Variants in MAMDC2 observed in about 807,000 individuals in gnomAD.
MAMDC2 encodes MAM domain containing 2, also known as MAM domain-containing protein 2.
Under a neutral mutation model 89.8 loss-of-function variants are expected in MAMDC2, and 57 were observed. The observed-to-expected ratio is 0.63, with a 90% CI of 0.51 to 0.79. The LOEUF is 0.79. MAMDC2 is among the 30% of genes least tolerant of loss of function. The probability of loss-of-function intolerance (pLI) is 0.00; values close to 1 mark genes in which losing one functional copy is unlikely to be tolerated. For missense variants in MAMDC2, 800 were observed against 820.6 expected (o/e 0.97, Z 0.31); for synonymous variants, 313 against 293.4 (o/e 1.07, Z -0.68).
At chr9:70,089,474 T>C (rs1028561221) in intron 2 of MAMDC2, among the ~76,000 whole-genome samples, 5 of 152,180 alleles carry the variant, frequency 3.3e-5, no homozygotes, top group Non-Finnish European at 7.4e-5. Flanking sequence ...TGGGGAGCTG[T>C]TCAGTGTGCA....
At chr9:70,133,171 C>T (rs745638779) in intron 7 of MAMDC2, among the ~76,000 whole-genome samples, 135 of 152,032 alleles carry the variant, frequency 8.9e-4, no homozygotes, top group Admixed American at 2.4e-3. Context: ...TAGGCAGTGA[C>T]GCTGAAATTT....
At position 70,154,527 on chromosome 9, in the gene MAMDC2, ATT is replaced by A. The variant is rs10710715; in HGVS notation, c.1404+10726_1404+10727del. Reference sequence around the variant, plus strand: ...GGTATGCTGAGTCCGATTTGGAACAATTTTTTTTTTTTTTTTTTTGAGACAGG... The same window carrying A: ...GGTATGCTGAGTCCGATTTGGAACAATTTTTTTTTTTTTTTTTGAGACAGG... On this transcript the variant is annotated intron_variant, in intron 9 of 13. Coordinates refer to ENST00000377182, the MANE Select transcript of MAMDC2 (RefSeq NM_153267.5). Among the ~76,000 whole-genome samples the A allele has an allele frequency of 3.0e-3, 401 of 135,834 alleles. 1 individual carries two copies. Among genetic ancestry groups the A allele is most frequent in the African/African-American group, 8.6e-3 (311 of 36,360 alleles). 89.1% of individuals were successfully genotyped at this position (135,834 alleles called of 152,430 possible).
At chr9:70,216,999 T>A (rs2118684265) in intron 11 of MAMDC2, among the ~76,000 whole-genome samples, 1 of 152,264 alleles carries the variant, frequency 6.6e-6, no homozygotes, top group African/African-American at 2.4e-5. Context: ...TACAATGGAC[T>A]ATTGGAAGCC....
At chr9:70,083,966 A>G (rs890755437) in intron 2 of MAMDC2, among the ~76,000 whole-genome samples, 3 of 152,120 alleles carry the variant, frequency 2.0e-5, no homozygotes, top group Admixed American at 6.6e-5. Context: ...TAATTGAGAG[A>G]GGGAGTTAGT....
rs71364576 is a variant in MAMDC2, at chr9:70,051,888, GAGATAGAT to G, written c.148+7223_148+7230del. 3.0e-3 allele frequency among the ~76,000 whole-genome samples: 446 copies of G among 148,914 alleles called. 3 individuals carry two copies. The highest frequency in any genetic ancestry group is 9.4e-3 in the African/African-American group (380 of 40,360). On this transcript the variant is annotated intron_variant, in intron 2 of 13. Coordinates refer to ENST00000377182, the MANE Select transcript of MAMDC2 (RefSeq NM_153267.5). ...ATCTATTTACCTATCTAGATAGATA[GAGATAGAT>G]AGATAGATAGATAGATAGATAGATA... is the stretch of plus-strand genomic sequence containing the variant.
At chr9:70,182,218 G>T (rs1406528669) in intron 11 of MAMDC2, among the ~76,000 whole-genome samples, 1 of 152,164 alleles carries the variant, frequency 6.6e-6, no homozygotes, top group Non-Finnish European at 1.5e-5. Flanking sequence ...CTTGATTGTG[G>T]TGGATAAGCT....
chr9:70,195,364 A>G (rs1205055153), intron 11 of MAMDC2, among the ~76,000 whole-genome samples: 1 of 152,084 alleles, frequency 6.6e-6, no homozygotes, highest in East Asian at 1.9e-4. Context: ...AGGATTTGAC[A>G]AACTATTTCC....
At chr9:70,119,828 G>T (rs1372959326) in intron 5 of MAMDC2, among the ~76,000 whole-genome samples, 1 of 152,194 alleles carries the variant, frequency 6.6e-6, no homozygotes, top group Admixed American at 6.5e-5. Context: ...GAACAGAAAG[G>T]CAAAGGCTAG....
chr9:70,084,430 T>C (rs1199557282), intron 2 of MAMDC2, among the ~76,000 whole-genome samples: 1 of 152,084 alleles, frequency 6.6e-6, no homozygotes, highest in Non-Finnish European at 1.5e-5. Context: ...TCAACAAATA[T>C]TGCAGAATGA....
In MAMDC2 at chr9:70,219,813, G is replaced by A. The variant is rs374470852; in HGVS notation, c.1911+1217G>A. Among the ~76,000 whole-genome samples, 25 of 152,302 alleles carry A rather than the reference G, an allele frequency of 1.6e-4. No homozygotes were observed. In the South Asian group the frequency reaches 3.9e-3, roughly 24 times the overall value. ...GGCTCAGGAACTTACTAATATAATT[G>A]ATCATTATTCAGAGATGATGGATTA... is the stretch of plus-strand genomic sequence containing the variant. On this transcript the variant is annotated intron_variant, in intron 12 of 13. Coordinates refer to ENST00000377182, the MANE Select transcript of MAMDC2 (RefSeq NM_153267.5).
chr9:70,081,661 C>G (rs899731618), intron 2 of MAMDC2: 11 of 152,086 alleles, frequency 7.2e-5, no homozygotes, highest in Admixed American at 5.9e-4. Flanking sequence ...AATTCTCAGT[C>G]TTCTCCAGAC....
In MAMDC2 at chr9:70,170,515, A is replaced by G. The variant is rs1563985138; in HGVS notation, c.1535A>G (p.Glu512Gly). 2.5e-6 allele frequency: 4 copies of G among 1,612,590 alleles called. No homozygotes were observed. The South Asian group carries it at 4.4e-5, about 18-fold the overall frequency. The change falls in exon 11 of 14, where the codon GAG (glutamate) becomes GGG (glycine). Residue 512 changes from glutamate to glycine, a missense_variant. Transcript: ENST00000377182. ...CCTCCACCTGGAGAGTGTACTTTCG[A>G]GCAAGATGAATGTACATTTACTCAG... ...LPPPPGECTF[E>G]QDECTFTQEK...
intron 9 of MAMDC2, among the ~76,000 whole-genome samples, chr9:70,163,994 A>G (rs941535955): frequency 6.6e-6 from 1 of 151,206 alleles, no homozygotes; most frequent in East Asian, 2.0e-4. Context: ...GAAAGTGCCT[A>G]GCACAAGGAC....
At chr9:70,146,770 T>TA (rs897429346) in intron 9 of MAMDC2, among the ~76,000 whole-genome samples, 3 of 147,802 alleles carry the variant, frequency 2.0e-5, no homozygotes, top group East Asian at 2.0e-4. Context: ...CCATCTCTAC[T>TA]AAAAAAATAC....
chr9:70,089,629 G>T (rs1165676091), intron 2 of MAMDC2, among the ~76,000 whole-genome samples: 1 of 152,040 alleles, frequency 6.6e-6, no homozygotes, highest in Non-Finnish European at 1.5e-5. Flanking sequence ...GAAATGTTGT[G>T]GTGAGGAGAG....
At chr9:70,193,693 A>T (rs897556121) in intron 11 of MAMDC2, among the ~76,000 whole-genome samples, 9 of 152,138 alleles carry the variant, frequency 5.9e-5, no homozygotes, top group Admixed American at 5.9e-4. Context: ...AAACTCAAAG[A>T]CTTGGCTAGG....
chr9:70,114,499 G>A (rs1029032086), intron 5 of MAMDC2, among the ~76,000 whole-genome samples: 7 of 151,992 alleles, frequency 4.6e-5, no homozygotes, highest in African/African-American at 1.7e-4. Context: ...GTCAGGCCCT[G>A]TTGGCCAACT....
At chr9:70,054,101 A>T (rs1826972984) in intron 2 of MAMDC2, among the ~76,000 whole-genome samples, 1 of 152,158 alleles carries the variant, frequency 6.6e-6, no homozygotes, top group Non-Finnish European at 1.5e-5. Context: ...AGATATGATC[A>T]GTTCTGAGCT....
At chr9:70,113,168 T>G in intron 5 of MAMDC2, 36 bp downstream of exon 5, 1 of 1,609,336 alleles carries the variant, frequency 6.2e-7, no homozygotes, top group South Asian at 1.1e-5. Context: ...TTTCCCAGGA[T>G]AAATTTTTCT....
Sources: allele counts gnomAD v4.1 joint callset (sites outside exome capture counted in the v4.1 genomes callset), GRCh38; gene constraint gnomAD v4.1.1; transcripts MANE v1.5; gene names NCBI Gene and HGNC (gene_info 2026-07-23, HGNC 2026-07-21).